The following ANO10 variants were observed in gnomAD, a reference collection of about 807,000 sequenced individuals.
ANO10 encodes the protein anoctamin 10.
ANO10 carries 77 observed loss-of-function variants against 74.7 expected under a neutral mutation model. That is an observed-to-expected ratio of 1.03 (90% CI 0.86 to 1.25). ANO10 has a LOEUF of 1.25. Ranked by LOEUF, ANO10 falls within the 50% of genes most tolerant of loss-of-function variation. The pLI, the probability that ANO10 is intolerant of heterozygous loss-of-function variation, is 0.00. For missense variants in ANO10, 721 were observed against 778.1 expected, an observed-to-expected ratio of 0.93 and a Z score of 0.87; for synonymous variants, 279 against 284.9, an observed-to-expected ratio of 0.98 and a Z score of 0.21.
At chr3:43,418,986 G>A (rs569204587) in intron 12 of ANO10, among the ~76,000 whole-genome samples, 1 of 152,338 alleles carries the variant, frequency 6.6e-6, no homozygotes, top group South Asian at 2.1e-4. Context: ...GATGGCCCAC[G>A]TGCCTAAAGT....
chr3:43,568,910 A>C (rs1348961414), intron 7 of ANO10, among the ~76,000 whole-genome samples: 2 of 150,084 alleles, frequency 1.3e-5, no homozygotes, highest in Admixed American at 6.6e-5. Context: ...GGTTTTTTGA[A>C]AGGATCAACA....
chr3:43,487,691 C>A (rs1238083209), intron 11 of ANO10, among the ~76,000 whole-genome samples: 2 of 152,136 alleles, frequency 1.3e-5, no homozygotes, highest in African/African-American at 4.8e-5. Context: ...AGATTCTTCT[C>A]TCTTTTTTTC....
intron 11 of ANO10, among the ~76,000 whole-genome samples, chr3:43,442,785 T>C (rs367676252): frequency 6.6e-6 from 1 of 152,146 alleles, no homozygotes; most frequent in African/African-American, 2.4e-5. Flanking sequence ...GCAGAATATA[T>C]AAACAAATGG....
chr3:43,507,591 C>A (rs974725274), intron 11 of ANO10, among the ~76,000 whole-genome samples: 1 of 151,940 alleles, frequency 6.6e-6, no homozygotes, highest in African/African-American at 2.4e-5. Context: ...AAAGGAAACA[C>A]AGCAAACCTC....
At chr3:43,458,679 T>C (rs1178150105) in intron 11 of ANO10, among the ~76,000 whole-genome samples, 1 of 152,212 alleles carries the variant, frequency 6.6e-6, no homozygotes, top group Non-Finnish European at 1.5e-5. Context: ...CTGGGATACA[T>C]GTGCTGAACG....
chr3:43,480,811 C>A (rs1274261284), intron 11 of ANO10, among the ~76,000 whole-genome samples: 1 of 152,040 alleles, frequency 6.6e-6, no homozygotes, highest in Non-Finnish European at 1.5e-5. Flanking sequence ...TTTAAGCACA[C>A]TATGTTTAGG....
upstream of ANO10, among the ~76,000 whole-genome samples, chr3:43,625,303 C>G (rs1228502554): frequency 6.6e-6 from 1 of 152,216 alleles, no homozygotes; most frequent in East Asian, 1.9e-4. Flanking sequence ...TTGACAATTC[C>G]CTATTCATCT....
At chr3:43,681,770 G>C (rs2149582337) in intron 1 of ANO10, among the ~76,000 whole-genome samples, 1 of 152,334 alleles carries the variant, frequency 6.6e-6, no homozygotes, top group South Asian at 2.1e-4. Context: ...TCAGGATTAA[G>C]AAACTCACTC....
intron 11 of ANO10, among the ~76,000 whole-genome samples, chr3:43,517,251 A>T (rs2077749491): frequency 6.6e-6 from 1 of 151,972 alleles, no homozygotes; most frequent in Non-Finnish European, 1.5e-5. Context: ...CCTAAAGCAA[A>T]TTTTTTCTAG....
intron 1 of ANO10, among the ~76,000 whole-genome samples, chr3:43,609,036 T>G (rs1164023878): frequency 2.0e-5 from 3 of 152,216 alleles, no homozygotes; most frequent in African/African-American, 7.2e-5. Flanking sequence ...TTTGTTGAAT[T>G]TCTCACTACA....
chr3:43,612,080 CA>C (rs1321222837), intron 1 of ANO10, among the ~76,000 whole-genome samples: 2 of 143,872 alleles, frequency 1.4e-5, no homozygotes, highest in Non-Finnish European at 3.0e-5. Flanking sequence ...CCACTATCTG[CA>C]AAAATATGCC....
At chr3:43,487,637 G>A (rs2076547730) in intron 11 of ANO10, among the ~76,000 whole-genome samples, 4 of 152,054 alleles carry the variant, frequency 2.6e-5, no homozygotes, top group Admixed American at 6.5e-5. Context: ...ATTTCTGTGG[G>A]ATCGGTGGTG....
In ANO10 at chr3:43,578,304, GA is replaced by G. The variant is rs1303954235; in HGVS notation, c.593-1044del. 2.6e-5 allele frequency among the ~76,000 whole-genome samples: 4 copies of G among 152,174 alleles called. No homozygotes were observed. In the East Asian group the frequency reaches 7.7e-4, roughly 29 times the overall value. On this transcript the variant is annotated intron_variant, in intron 5 of 12. Transcript: ENST00000292246. The stretch of plus-strand genomic sequence containing the variant: ...GCTCATGACACTTGGCTCCACAGCA[GA>G]TGACCTTCCCCTTTCAATCTCAAGG...
chr3:43,542,756 G>C (rs2079011375), intron 11 of ANO10, among the ~76,000 whole-genome samples: 1 of 152,136 alleles, frequency 6.6e-6, no homozygotes, highest in African/African-American at 2.4e-5. Flanking sequence ...TCATGAAAAT[G>C]ATAATAAAGA....
At chr3:43,623,234 A>T (rs1161885611), upstream of ANO10, among the ~76,000 whole-genome samples, 1 of 152,170 alleles carries the variant, frequency 6.6e-6, no homozygotes, top group Non-Finnish European at 1.5e-5. Flanking sequence ...GAACAATAAG[A>T]TATTTGGAGA....
chr3:43,688,241 C>A (rs751348495), intron 1 of ANO10, among the ~76,000 whole-genome samples: 1 of 152,124 alleles, frequency 6.6e-6, no homozygotes, highest in African/African-American at 2.4e-5. Context: ...AAGACCAAAG[C>A]GCTACAGGAG....
At chr3:43,529,870 T>C (rs1336480067) in intron 11 of ANO10, among the ~76,000 whole-genome samples, 1 of 152,086 alleles carries the variant, frequency 6.6e-6, no homozygotes, top group African/African-American at 2.4e-5. Flanking sequence ...ATGGTAAATA[T>C]AACATAATAC....
intron 6 of ANO10, 81 bp downstream of exon 6, chr3:43,576,611 G>T: frequency 7.0e-7 from 1 of 1,433,346 alleles, no homozygotes. Flanking sequence ...TCTCTGCAAG[G>T]TAGCAGCTAT....
chr3:43,620,300 A>C (rs2083323066), intron 1 of ANO10, among the ~76,000 whole-genome samples: 1 of 152,218 alleles, frequency 6.6e-6, no homozygotes, highest in Non-Finnish European at 1.5e-5. Flanking sequence ...GAAAAAGCAA[A>C]AGTATGAAGT....
Sources: gnomAD v4.1 joint callset for allele counts (sites outside exome capture counted in the v4.1 genomes callset) on GRCh38, gnomAD v4.1.1 for gene constraint, MANE v1.5 for transcripts, NCBI Gene and HGNC (gene_info 2026-07-23, HGNC 2026-07-21) for gene names.